The following FUT9 variants were observed in gnomAD, a reference collection of about 807,000 sequenced individuals.
The protein encoded by FUT9 is 4-galactosyl-N-acetylglucosaminide 3-alpha-L-fucosyltransferase 9.
Under a neutral mutation model 29.7 loss-of-function variants are expected in FUT9, and 15 were observed. The ratio of observed to expected loss-of-function variants is 0.51; its 90% confidence interval spans 0.34 to 0.78. The LOEUF is 0.78. Ranked by LOEUF, FUT9 falls within the 30% of genes least tolerant of loss-of-function variation. The pLI, the probability that FUT9 is intolerant of heterozygous loss-of-function variation, is 0.01. For missense variants in FUT9, 319 were observed against 425.4 expected, an observed-to-expected ratio of 0.75 and a Z score of 2.20; for synonymous variants, 169 against 153.7, an observed-to-expected ratio of 1.10 and a Z score of -0.74.
At position 96,102,102 on chromosome 6, in the gene FUT9, T is replaced by A. The variant is rs553444630; in HGVS notation, c.-97-11937T>A. Among the ~76,000 whole-genome samples, 4 of 152,258 alleles carry A rather than the reference T, an allele frequency of 2.6e-5. No individual in the cohort carries two copies. The South Asian group carries it at 8.3e-4, about 32-fold the overall frequency. On this transcript the variant is annotated intron_variant, in intron 1 of 2. Transcript: ENST00000302103. ...AAACTTTCCTGATTTGTCATGACAA[T>A]TGTATGCAGATATAAACTTTCTAAT...
intron 2 of FUT9, among the ~76,000 whole-genome samples, chr6:96,135,885 C>T (rs1440574466): frequency 6.6e-6 from 1 of 151,086 alleles, no homozygotes; most frequent in African/African-American, 2.4e-5. Flanking sequence ...GCAAACATTT[C>T]TTTCCAAGAC....
At chr6:96,126,322 G>A (rs1772132906) in intron 2 of FUT9, among the ~76,000 whole-genome samples, 1 of 151,530 alleles carries the variant, frequency 6.6e-6, no homozygotes, top group Non-Finnish European at 1.5e-5. Flanking sequence ...GCAAAACAGG[G>A]AGCAAGCAAG....
chr6:96,147,953 C>T (rs75491396), intron 2 of FUT9, among the ~76,000 whole-genome samples: 5 of 151,210 alleles, frequency 3.3e-5, no homozygotes, highest in East Asian at 3.9e-4. Context: ...AAAGAACCAC[C>T]GAACATGGGA....
At chr6:96,084,268 C>T (rs1378066794) in intron 1 of FUT9, among the ~76,000 whole-genome samples, 1 of 151,972 alleles carries the variant, frequency 6.6e-6, no homozygotes. Context: ...CAAAGAATTC[C>T]ATCAAAGAGA....
At chr6:96,027,565 T>C (rs1016927938) in intron 1 of FUT9, among the ~76,000 whole-genome samples, 2 of 151,604 alleles carry the variant, frequency 1.3e-5, no homozygotes, top group East Asian at 3.9e-4. Context: ...AAATCTGGTG[T>C]ACTTCTCCCC....
At chr6:96,058,468 C>A (rs369784876) in intron 1 of FUT9, among the ~76,000 whole-genome samples, 397 of 76,978 alleles carry the variant, frequency 5.2e-3, no homozygotes, top group Middle Eastern at 0.01. Flanking sequence ...GGCTTTATTC[C>A]AAAAAAAAAA....
At chr6:96,021,039 A>C (rs1770059883) in intron 1 of FUT9, 1 of 152,046 alleles carries the variant, frequency 6.6e-6, no homozygotes, top group Admixed American at 6.6e-5. Flanking sequence ...AGTAAGAACA[A>C]ATAGAAAGGA....
chr6:96,033,520 C>A (rs1054911810), intron 1 of FUT9, among the ~76,000 whole-genome samples: 1 of 151,528 alleles, frequency 6.6e-6, no homozygotes, highest in Non-Finnish European at 1.5e-5. Flanking sequence ...ATGTAAGAAA[C>A]AATTAATTAT....
intron 2 of FUT9, among the ~76,000 whole-genome samples, chr6:96,181,590 C>CCCTCCCTTT: frequency 4.4e-5 from 1 of 22,768 alleles, no homozygotes; most frequent in East Asian, 2.3e-3. Flanking sequence ...CCTCTCCTTT[C>CCCTCCCTTT]TCCCTGAGTA....
chr6:96,082,149 A>G (rs1223793430), intron 1 of FUT9, among the ~76,000 whole-genome samples: 1 of 151,734 alleles, frequency 6.6e-6, no homozygotes, highest in Non-Finnish European at 1.5e-5. Context: ...CAGTTAATAA[A>G]ATATTTATTT....
intron 2 of FUT9, among the ~76,000 whole-genome samples, chr6:96,196,302 T>C (rs534003215): frequency 2.6e-5 from 4 of 152,278 alleles, no homozygotes; most frequent in Admixed American, 2.6e-4. Flanking sequence ...CATGGGAGCC[T>C]TCAGAATTAA....
intron 2 of FUT9, among the ~76,000 whole-genome samples, chr6:96,184,021 C>A (rs1029724231): frequency 6.6e-6 from 1 of 151,942 alleles, no homozygotes; most frequent in African/African-American, 2.4e-5. Flanking sequence ...AGGATTGGTG[C>A]CAATTCTTCT....
intron 1 of FUT9, among the ~76,000 whole-genome samples, chr6:96,058,245 G>C (rs574829001): frequency 7.2e-5 from 11 of 152,120 alleles, no homozygotes; most frequent in African/African-American, 2.6e-4. Flanking sequence ...AGTTGCTTTA[G>C]ACAAGCATTC....
intron 1 of FUT9, among the ~76,000 whole-genome samples, chr6:96,048,400 T>C (rs192973616): frequency 2.6e-4 from 40 of 152,312 alleles, no homozygotes; most frequent in African/African-American, 8.7e-4. Context: ...AGCAGTAACA[T>C]TGGAAATCAT....
intron 2 of FUT9, among the ~76,000 whole-genome samples, chr6:96,132,121 C>T (rs538672821): frequency 6.6e-6 from 1 of 152,060 alleles, no homozygotes; most frequent in East Asian, 1.9e-4. Context: ...TTTTTCTCAT[C>T]CTAACATTTA....
At chr6:96,168,876 G>A (rs1206763830) in intron 2 of FUT9, among the ~76,000 whole-genome samples, 1 of 152,182 alleles carries the variant, frequency 6.6e-6, no homozygotes, top group African/African-American at 2.4e-5. Flanking sequence ...GTCAAGAGGT[G>A]ATGGGACTTA....
chr6:96,104,523 AT>A (rs1015830086), intron 1 of FUT9, among the ~76,000 whole-genome samples: 1 of 152,030 alleles, frequency 6.6e-6, no homozygotes, highest in South Asian at 2.1e-4. Context: ...AGTGTAAATT[AT>A]TTTTTTTGTT....
chr6:96,084,173 CTT>C, intron 1 of FUT9, among the ~76,000 whole-genome samples: 1 of 152,006 alleles, frequency 6.6e-6, no homozygotes, highest in Non-Finnish European at 1.5e-5. Flanking sequence ...ACTAAAGTGA[CTT>C]ATCACACTAA....
intron 1 of FUT9, among the ~76,000 whole-genome samples, chr6:96,050,050 T>G (rs574527995): frequency 5.9e-5 from 9 of 152,330 alleles, no homozygotes; most frequent in African/African-American, 1.7e-4. Flanking sequence ...GAAGGCCATG[T>G]GCAAACAGGG....
Sources: allele counts gnomAD v4.1 joint callset (sites outside exome capture counted in the v4.1 genomes callset), GRCh38; gene constraint gnomAD v4.1.1; transcripts MANE v1.5; gene names NCBI Gene and HGNC (gene_info 2026-07-23, HGNC 2026-07-21).